CDH13: variants seen among roughly 807,000 people sequenced by gnomAD.
The protein encoded by CDH13 is cadherin-13.
A neutral mutation model predicts 63.8 loss-of-function variants in CDH13; 24 were observed. The observed-to-expected ratio is 0.38, with a 90% CI of 0.27 to 0.53. The LOEUF (loss-of-function observed/expected upper bound fraction) is 0.53, where lower values mean the gene tolerates loss of function less well. Ranked by LOEUF, CDH13 falls within the 20% of genes least tolerant of loss-of-function variation. The probability of loss-of-function intolerance (pLI) is 0.85; values close to 1 mark genes in which losing one functional copy is unlikely to be tolerated. For missense variants in CDH13, 1,049 were observed against 903.1 expected (o/e 1.16, Z -2.07); for synonymous variants, 503 against 355.3 (o/e 1.42, Z -4.67).
At chr16:82,685,704 A>T (rs973191755) in intron 1 of CDH13, among the ~76,000 whole-genome samples, 11 of 151,998 alleles carry the variant, frequency 7.2e-5, no homozygotes, top group Admixed American at 3.9e-4. Context: ...CAGGTGTTCA[A>T]CCCCGCCTGG....
At chr16:83,709,236 C>G (rs1041893411) in intron 10 of CDH13, among the ~76,000 whole-genome samples, 1 of 152,086 alleles carries the variant, frequency 6.6e-6, no homozygotes, top group African/African-American at 2.4e-5. Context: ...ACAGCCCTGC[C>G]AACATCTTAA....
At chr16:83,438,075 C>T (rs2151491796) in intron 6 of CDH13, among the ~76,000 whole-genome samples, 1 of 152,304 alleles carries the variant, frequency 6.6e-6, no homozygotes, top group Non-Finnish European at 1.5e-5. Context: ...AAGCACACAC[C>T]TGATGATGCC....
At chr16:83,677,946 G>GCTCA in intron 9 of CDH13, among the ~76,000 whole-genome samples, 1 of 152,152 alleles carries the variant, frequency 6.6e-6, no homozygotes, top group Middle Eastern at 3.4e-3. Context: ...GATCACTAAG[G>GCTCA]CTCAAGTCAT....
chr16:82,874,990 C>T (rs772640258), intron 2 of CDH13, among the ~76,000 whole-genome samples: 10 of 152,124 alleles, frequency 6.6e-5, no homozygotes, highest in Admixed American at 3.3e-4. Context: ...TGGGCTAGGA[C>T]CAGGCTTTTG....
chr16:83,406,651 A>G (rs1428796929), intron 6 of CDH13, among the ~76,000 whole-genome samples: 1 of 152,086 alleles, frequency 6.6e-6, no homozygotes, highest in Non-Finnish European at 1.5e-5. Context: ...TTTTTAGTAG[A>G]GATGGGGTTT....
At chr16:83,449,173 G>A (rs1023058892) in intron 6 of CDH13, among the ~76,000 whole-genome samples, 1 of 152,134 alleles carries the variant, frequency 6.6e-6, no homozygotes, top group Non-Finnish European at 1.5e-5. Context: ...GGAATTCGTT[G>A]CCACAATGAT....
At position 83,383,469 on chromosome 16, in the gene CDH13, C is replaced by T. The variant is rs567821587; in HGVS notation, c.781+38463C>T. Among the ~76,000 whole-genome samples, 143 of 152,304 alleles carry T rather than the reference C, an allele frequency of 9.4e-4. 2 individuals are homozygous for T. The highest frequency in any genetic ancestry group is 3.4e-3 in the African/African-American group (143 of 41,564). ...ACTCACCTGCCAGTTCTTAGCTGAG[C>T]ATCTGCCCTGATGGTGTGGAGTGAT... On this transcript the variant is annotated intron_variant, in intron 6 of 13. Coordinates refer to ENST00000567109, the MANE Select transcript of CDH13 (RefSeq NM_001257.5).
intron 8 of CDH13, among the ~76,000 whole-genome samples, chr16:83,634,489 C>T (rs1911080434): frequency 6.6e-6 from 1 of 151,800 alleles, no homozygotes; most frequent in Non-Finnish European, 1.5e-5. Context: ...CGACCTCCGC[C>T]TCCCAGGTTT....
chr16:82,952,265 C>T (rs904937770), intron 2 of CDH13, among the ~76,000 whole-genome samples: 2 of 152,248 alleles, frequency 1.3e-5, no homozygotes, highest in Middle Eastern at 3.4e-3. Context: ...ACCATCTGAG[C>T]GTGGGCAGCT....
intron 7 of CDH13, among the ~76,000 whole-genome samples, chr16:83,498,892 G>T (rs1382855384): frequency 6.6e-6 from 1 of 152,182 alleles, no homozygotes; most frequent in Non-Finnish European, 1.5e-5. Flanking sequence ...GAGCCCAGTG[G>T]CTTCTATAGC....
intron 6 of CDH13, among the ~76,000 whole-genome samples, chr16:83,354,891 A>G (rs749646111): frequency 6.6e-6 from 1 of 152,206 alleles, no homozygotes; most frequent in East Asian, 1.9e-4. Context: ...CCCTTCATTC[A>G]TGTATTGACT....
At chr16:83,196,309 T>C (rs1177062345) in intron 4 of CDH13, among the ~76,000 whole-genome samples, 1 of 152,052 alleles carries the variant, frequency 6.6e-6, no homozygotes, top group African/African-American at 2.4e-5. Flanking sequence ...GGATCACAGA[T>C]ATAAATGTAA....
At chr16:83,106,157 C>T (rs910184847) in intron 3 of CDH13, among the ~76,000 whole-genome samples, 2 of 152,182 alleles carry the variant, frequency 1.3e-5, no homozygotes, top group Non-Finnish European at 2.9e-5. Flanking sequence ...ATTCTCATTA[C>T]AGAAAAACAA....
intron 3 of CDH13, among the ~76,000 whole-genome samples, chr16:83,125,141 T>C (rs1014382685): frequency 6.6e-6 from 1 of 152,188 alleles, no homozygotes; most frequent in Non-Finnish European, 1.5e-5. Flanking sequence ...AAGACTGTCA[T>C]TGTGAATAGA....
At chr16:83,222,135 C>A (rs549459636) in intron 5 of CDH13, among the ~76,000 whole-genome samples, 4 of 152,200 alleles carry the variant, frequency 2.6e-5, no homozygotes, top group African/African-American at 9.7e-5. Flanking sequence ...GTAACTGGAA[C>A]CACCTGTGTT....
At chr16:83,585,990 A>C (rs948600045) in intron 7 of CDH13, among the ~76,000 whole-genome samples, 4 of 152,228 alleles carry the variant, frequency 2.6e-5, no homozygotes, top group Admixed American at 1.3e-4. Context: ...CCTCAACTGC[A>C]CAATGAACAC....
At chr16:83,683,912 CA>C (rs1904278621) in intron 10 of CDH13, among the ~76,000 whole-genome samples, 1 of 152,192 alleles carries the variant, frequency 6.6e-6, no homozygotes, top group Non-Finnish European at 1.5e-5. Context: ...GGTTCTAAAA[CA>C]GATCAGGTTC....
In CDH13 at chr16:83,307,846, G is replaced by A. The variant is rs538380530; in HGVS notation, c.637-37016G>A. Among the ~76,000 whole-genome samples the A allele has an allele frequency of 1.2e-3, 184 of 152,310 alleles. 1 individual carries two copies. The highest frequency in any genetic ancestry group is 4.3e-3 in the African/African-American group (177 of 41,578). On this transcript the variant is annotated intron_variant, in intron 5 of 13. Transcript: ENST00000567109. ...AGAGCGGGGGAGTAATTATTTGCCG[G>A]TAATATGCGTGCTGCCGTTAGCTGA...
chr16:83,021,244 C>T (rs766085975), intron 2 of CDH13, among the ~76,000 whole-genome samples: 11 of 152,174 alleles, frequency 7.2e-5, no homozygotes, highest in Admixed American at 6.5e-4. Flanking sequence ...TGCCAAGTTG[C>T]AGTTCTGCTA....
Sources: gnomAD v4.1 joint callset for allele counts (sites outside exome capture counted in the v4.1 genomes callset) on GRCh38, gnomAD v4.1.1 for gene constraint, MANE v1.5 for transcripts, NCBI Gene and HGNC (gene_info 2026-07-23, HGNC 2026-07-21) for gene names.